Variants in DGKK observed in about 807,000 individuals in gnomAD.
DGKK encodes 142 kDa diacylglycerol kinase.
In DGKK, 35 loss-of-function variants were observed where a neutral mutation model predicts 92.2. The ratio of observed to expected loss-of-function variants is 0.38; its 90% CI spans 0.29 to 0.50. DGKK has a LOEUF of 0.50. Ranked by LOEUF, DGKK falls within the 20% of genes least tolerant of loss-of-function variation. The pLI is 0.92. For synonymous variants in DGKK, 368 were observed against 360.6 expected (o/e 1.02, Z -0.23); for missense variants, 910 against 992.2 (o/e 0.92, Z 1.11).
intron 25 of DGKK, 144 bp downstream of exon 25, chrX:50,374,827 C>T: frequency 2.1e-6 from 1 of 484,015 alleles, no homozygotes; most frequent in Non-Finnish European, 3.6e-6. Flanking sequence ...AACAACAATC[C>T]TAGGTGACAC....
At chrX:50,413,876 G>A (rs1235657497) in intron 4 of DGKK, among the ~76,000 whole-genome samples, 1 of 111,839 alleles carries the variant, frequency 8.9e-6, no homozygotes, top group African/African-American at 3.2e-5. Flanking sequence ...AAAAGAAACT[G>A]AAATCATTCT....
chrX:50,400,980 C>T, intron 8 of DGKK, 57 bp downstream of exon 8: 1 of 1,067,142 alleles, frequency 9.4e-7, no homozygotes, highest in Non-Finnish European at 1.3e-6. Flanking sequence ...TCTTCCCAGC[C>T]TTTGCACCTT....
chrX:50,413,276 A>G (rs1925348072), intron 4 of DGKK, among the ~76,000 whole-genome samples: 2 of 112,147 alleles, frequency 1.8e-5, no homozygotes, highest in Non-Finnish European at 3.8e-5. Flanking sequence ...CACAAGGGAA[A>G]AAGCTCCCCA....
chrX:50,403,698 T>C (rs1050878391), intron 5 of DGKK, 101 bp from the exon 6 acceptor site: 26 of 661,054 alleles, frequency 3.9e-5, no homozygotes, highest in Non-Finnish European at 5.9e-5. Flanking sequence ...ACAGATGCAT[T>C]CTAAATAGTT....
In DGKK at chrX:50,386,277, C is replaced by T. The variant is rs782395255; in HGVS notation, c.2347+81G>A. ...TTGTAGCAGAGTCAGAGAGCAAACC[C>T]GGAGTCAGTGAGGCCAGTAAACCAT... On this transcript the variant is annotated intron_variant, in intron 15 of 27. Transcript: ENST00000611977. 2.9e-5 allele frequency: 21 copies of T among 715,128 alleles called. No individual in the cohort carries two copies. The South Asian group carries it at 4.7e-4, about 16-fold the overall frequency. The allele number at this position is 715,128 out of a possible 1,213,427, so 58.9% of individuals were successfully genotyped here. A position where few individuals can be genotyped will look rare whatever the true frequency, so the allele number is the denominator to read the frequency against.
intron 11 of DGKK, 36 bp from the exon 12 acceptor site, chrX:50,390,445 T>G (rs1422496427): frequency 8.7e-7 from 1 of 1,145,659 alleles, no homozygotes; most frequent in African/African-American, 1.8e-5. Context: ...TTTAAGGGTC[T>G]GTTTCATGAC....
intron 8 of DGKK, among the ~76,000 whole-genome samples, chrX:50,398,144 C>A (rs1184890964): frequency 1.8e-5 from 2 of 111,582 alleles, no homozygotes; most frequent in Non-Finnish European, 3.8e-5. Flanking sequence ...CTAGCAAGGG[C>A]CTTCTCAGAA....
chrX:50,379,038 C>T lies in DGKK; in HGVS notation c.2863-347G>A, dbSNP rs781903930. Among the ~76,000 whole-genome samples, 132 of 112,150 alleles carry T rather than the reference C, an allele frequency of 1.2e-3. 1 individual carries two copies. The highest frequency in any genetic ancestry group is 4.1e-3 in the African/African-American group (126 of 30,907). On this transcript the variant is annotated intron_variant, in intron 20 of 27. Transcript: ENST00000611977. ...TTGGAGAAAAGAGCATGGCCTTGGC[C>T]GGGCGCAGTGGCTCACACCTGTAAT...
chrX:50,455,190 T>C (rs1241627435), intron 1 of DGKK, among the ~76,000 whole-genome samples: 1 of 112,307 alleles, frequency 8.9e-6, no homozygotes, highest in Non-Finnish European at 1.9e-5. Context: ...AGTTGATACC[T>C]AAAAGATGAT....
intron 1 of DGKK, among the ~76,000 whole-genome samples, chrX:50,431,029 G>A (rs1557230227): frequency 9.1e-6 from 1 of 110,052 alleles, no homozygotes; most frequent in African/African-American, 3.3e-5. Flanking sequence ...TTTTTCTGTT[G>A]CTTGGTGCAT....
intron 1 of DGKK, among the ~76,000 whole-genome samples, chrX:50,449,044 A>C (rs781981778): frequency 2.7e-5 from 3 of 111,726 alleles, no homozygotes; most frequent in African/African-American, 9.7e-5. Flanking sequence ...CAGCCTCAAC[A>C]GCCTGCCCAC....
chrX:50,463,717 T>C (rs991280313), intron 1 of DGKK, among the ~76,000 whole-genome samples: 8 of 110,380 alleles, frequency 7.2e-5, no homozygotes, highest in Admixed American at 2.0e-4. Context: ...CTTTGGTGAG[T>C]TTGGGGGCAT....
At chrX:50,434,383 T>C (rs2147141443) in intron 1 of DGKK, among the ~76,000 whole-genome samples, 1 of 112,021 alleles carries the variant, frequency 8.9e-6, no homozygotes, top group East Asian at 2.8e-4. Flanking sequence ...AGGTTAAGTG[T>C]CTAGTTCTAA....
intron 8 of DGKK, among the ~76,000 whole-genome samples, chrX:50,395,876 C>T (rs964321318): frequency 7.3e-5 from 8 of 109,042 alleles, no homozygotes; most frequent in African/African-American, 1.7e-4. Context: ...CAAGAATGGA[C>T]GTGCTGAGTG....
intron 1 of DGKK, among the ~76,000 whole-genome samples, chrX:50,464,639 A>G (rs1857592282): frequency 9.1e-6 from 1 of 109,798 alleles, no homozygotes; most frequent in African/African-American, 3.3e-5. Context: ...GAGGTTGAAG[A>G]TCCTTTAAGA....
At chrX:50,400,198 T>C (rs1328679914) in intron 8 of DGKK, among the ~76,000 whole-genome samples, 1 of 111,842 alleles carries the variant, frequency 8.9e-6, no homozygotes, top group Non-Finnish European at 1.9e-5. Context: ...TTTTTTTTCC[T>C]TACGTCATGA....
At chrX:50,457,853 A>G (rs1557233003) in intron 1 of DGKK, among the ~76,000 whole-genome samples, 1 of 111,781 alleles carries the variant, frequency 8.9e-6, no homozygotes, top group African/African-American at 3.3e-5. Context: ...AATCCCCAAA[A>G]ATAATAAAGA....
At position 50,467,378 on chromosome X, in the gene DGKK, T is replaced by C. The variant is rs782470975; in HGVS notation, c.645+2656A>G. 6.2e-5 allele frequency among the ~76,000 whole-genome samples: 7 copies of C among 112,743 alleles called. No homozygotes were observed. The South Asian group carries it at 2.6e-3, about 41-fold the overall frequency. Reference sequence around the variant, plus strand: ...AGACTACAAGGCTGAAAGATGTTGGTTTTTTGCTACAATACCAGTCAACAA... The same window carrying C: ...AGACTACAAGGCTGAAAGATGTTGGCTTTTTGCTACAATACCAGTCAACAA... On this transcript the variant is annotated intron_variant, in intron 1 of 27. Transcript: ENST00000611977.
intron 1 of DGKK, among the ~76,000 whole-genome samples, chrX:50,426,064 C>T (rs1357433399): frequency 8.9e-6 from 1 of 111,929 alleles, no homozygotes; most frequent in African/African-American, 3.2e-5. Context: ...CAAAATTTAA[C>T]GGCTCCAATT....
Sources: allele counts gnomAD v4.1 joint callset (sites outside exome capture counted in the v4.1 genomes callset), GRCh38; gene constraint gnomAD v4.1.1; transcripts MANE v1.5; gene names NCBI Gene and HGNC (gene_info 2026-07-23, HGNC 2026-07-21).